Variants in E2F3 observed in about 807,000 individuals in gnomAD.
E2F3 encodes transcription factor E2F3.
E2F3 carries 11 observed loss-of-function variants against 44.4 expected under a neutral mutation model. The ratio of observed to expected loss-of-function variants is 0.25; its 90% confidence interval spans 0.16 to 0.41. The LOEUF (loss-of-function observed/expected upper bound fraction) is 0.41. E2F3 is among the 10% of genes least tolerant of loss of function. The pLI, the probability that E2F3 is intolerant of heterozygous loss-of-function variation, is 1.00. For synonymous variants in E2F3, 249 were observed against 253.0 expected (o/e 0.98, Z 0.15); for missense variants, 487 against 583.6 (o/e 0.83, Z 1.70).
At chr6:20,459,068 C>G (rs908728912) in intron 1 of E2F3, among the ~76,000 whole-genome samples, 3 of 152,128 alleles carry the variant, frequency 2.0e-5, no homozygotes, top group Non-Finnish European at 2.9e-5. Flanking sequence ...TCACCTGAGA[C>G]CAGTCTGGCC....
chr6:20,476,625 C>T (rs773858745), intron 1 of E2F3, among the ~76,000 whole-genome samples: 11 of 152,178 alleles, frequency 7.2e-5, no homozygotes, highest in Non-Finnish European at 1.3e-4. Flanking sequence ...GTTCCAGAAA[C>T]ATTCCTGGGG....
intron 1 of E2F3, among the ~76,000 whole-genome samples, chr6:20,432,135 G>A (rs538906490): frequency 1.4e-4 from 21 of 152,388 alleles, no homozygotes; most frequent in African/African-American, 5.0e-4. Context: ...GGGGACGTGG[G>A]GGTGGGCGTT....
intron 1 of E2F3, among the ~76,000 whole-genome samples, chr6:20,413,752 C>T (rs977059529): frequency 3.3e-5 from 5 of 151,912 alleles, no homozygotes; most frequent in Non-Finnish European, 7.4e-5. Flanking sequence ...GTGGACAGAG[C>T]GAGAAATGTG....
chr6:20,414,828 G>A (rs141847984), intron 1 of E2F3, among the ~76,000 whole-genome samples: 378 of 152,302 alleles, frequency 2.5e-3, no homozygotes, highest in Non-Finnish European at 3.6e-3. Context: ...CAGTAGTGTG[G>A]TATGGAAGGC....
chr6:20,432,865 G>A (rs1760454250), intron 1 of E2F3, among the ~76,000 whole-genome samples: 1 of 152,160 alleles, frequency 6.6e-6, no homozygotes, highest in African/African-American at 2.4e-5. Flanking sequence ...CCTGCCTCAG[G>A]GCCTTTGCAC....
At chr6:20,434,704 A>C (rs1760516771) in intron 1 of E2F3, among the ~76,000 whole-genome samples, 1 of 152,202 alleles carries the variant, frequency 6.6e-6, no homozygotes, top group African/African-American at 2.4e-5. Context: ...TTAGGACCAG[A>C]AGGGGTCCAG....
Position 20,490,242 on chromosome 6 carries a change from G to T in E2F3, c.1210G>T (p.Ala404Ser), listed in dbSNP as rs139489495. Reference protein sequence around the residue: ...MGNLSPLASPANLLQQTEDQI... With the variant: ...MGNLSPLASPSNLLQQTEDQI... The stretch of plus-strand genomic sequence containing the variant: ...AAACCTTTCTCCTCTGGCCTCCCCA[G>T]CCAACCTCTTACAGCAGACTGAGGA... The change falls in exon 7 of 7, where the codon GCC becomes TCC. Residue 404 changes from alanine (A) to serine (S), a missense_variant. Around this residue, in one of 3 missense-constraint regions of E2F3, gnomAD observed 220 missense variants for 261.7 expected, o/e 0.84. Coordinates refer to ENST00000346618, the MANE Select transcript of E2F3 (RefSeq NM_001949.5). The surrounding 1 kb of genome is among the most constrained non-coding windows in gnomAD (Gnocchi z 4.3). 9.3e-6 allele frequency: 15 copies of T among 1,614,082 alleles called. No individual in the cohort carries two copies. The African/African-American group carries it at 1.9e-4, about 20-fold the overall frequency.
chr6:20,407,401 A>AT (rs1241523906), intron 1 of E2F3, among the ~76,000 whole-genome samples: 2 of 152,140 alleles, frequency 1.3e-5, no homozygotes, highest in African/African-American at 2.4e-5. Flanking sequence ...ACAGGAAAGG[A>AT]TTTTTTGTTT....
Position 20,491,777 on chromosome 6 carries a change from T to C in E2F3, c.*1347T>C, listed in dbSNP as rs189929537. ...GCCAGACCCCGTTCCCCTTCCTCTA[T>C]GAAGGAATAAGTTGGACCAAGGGAA... On this transcript the variant is annotated 3_prime_UTR_variant, in exon 7 of 7. Coordinates refer to ENST00000346618, the MANE Select transcript of E2F3 (RefSeq NM_001949.5). 25 of 180,514 alleles carry C rather than the reference T, an allele frequency of 1.4e-4. No individual in the cohort carries two copies. In the East Asian group the frequency reaches 2.2e-3, roughly 16 times the overall value. 11.2% of individuals were successfully genotyped at this position (180,514 alleles called of 1,614,324 possible).
At chr6:20,456,757 T>C (rs906614347) in intron 1 of E2F3, among the ~76,000 whole-genome samples, 1 of 152,228 alleles carries the variant, frequency 6.6e-6, no homozygotes, top group Non-Finnish European at 1.5e-5. Flanking sequence ...CTTAACTGAT[T>C]GTAGAGATTA....
At position 20,454,785 on chromosome 6, in the gene E2F3, A is replaced by G. The variant is rs560676025; in HGVS notation, c.394-25061A>G. Among the ~76,000 whole-genome samples the G allele has an allele frequency of 2.0e-5, 3 of 152,302 alleles. No homozygotes were observed. The South Asian group carries it at 6.2e-4, about 32-fold the overall frequency. ...TTCTGATGACTGTTAGCCACGCCAT[A>G]ATGGTGCTTGTATTTGGCAGGTTAA... On this transcript the variant is annotated intron_variant, in intron 1 of 6. Transcript: ENST00000346618.
intron 1 of E2F3, among the ~76,000 whole-genome samples, chr6:20,450,718 G>C (rs1761101801): frequency 6.6e-6 from 1 of 152,106 alleles, no homozygotes; most frequent in East Asian, 1.9e-4. Flanking sequence ...TTTTCAGAAT[G>C]GTATTGCCTT....
chr6:20,443,416 T>C (rs1760837921), intron 1 of E2F3, among the ~76,000 whole-genome samples: 1 of 152,210 alleles, frequency 6.6e-6, no homozygotes, highest in Non-Finnish European at 1.5e-5. Flanking sequence ...TCAGCCTATG[T>C]GAATTCTGGT....
At chr6:20,467,919 G>A (rs1474598158) in intron 1 of E2F3, among the ~76,000 whole-genome samples, 1 of 151,872 alleles carries the variant, frequency 6.6e-6, no homozygotes, top group Non-Finnish European at 1.5e-5. Context: ...GTGACCACAT[G>A]GGCACCCAGG....
intron 1 of E2F3, among the ~76,000 whole-genome samples, chr6:20,435,239 A>G (rs1455346906): frequency 1.3e-5 from 2 of 152,104 alleles, no homozygotes; most frequent in African/African-American, 4.8e-5. Context: ...CAGCCTCCCA[A>G]AGTGCTGGGA....
chr6:20,457,353 T>TTC lies in E2F3; in HGVS notation c.394-22492_394-22491insCT, dbSNP rs1554138875. Among the ~76,000 whole-genome samples, 6 of 145,990 alleles carry TTC rather than the reference T, an allele frequency of 4.1e-5. No individual in the cohort carries two copies. In the South Asian group the frequency reaches 1.3e-3, roughly 33 times the overall value. ...TCATCCCTAGCTTATTTTTTCTTTT[T>TTC]TTTTTTTTTTTTTTTAGTAGAGATG... is the stretch of plus-strand genomic sequence containing the variant. On this transcript the variant is annotated intron_variant, in intron 1 of 6. Coordinates refer to ENST00000346618, the MANE Select transcript of E2F3 (RefSeq NM_001949.5).
intron 1 of E2F3, among the ~76,000 whole-genome samples, chr6:20,467,486 C>G (rs1761752624): frequency 6.6e-6 from 1 of 152,194 alleles, no homozygotes. Flanking sequence ...GAAACAATTC[C>G]TTCACACTAT....
intron 1 of E2F3, among the ~76,000 whole-genome samples, chr6:20,431,996 TC>T (rs1430349777): frequency 1.3e-5 from 2 of 152,232 alleles, no homozygotes; most frequent in Non-Finnish European, 2.9e-5. Flanking sequence ...GGGTGTCTTT[TC>T]CTTCAGATTG....
chr6:20,426,350 A>G (rs915028252), intron 1 of E2F3, among the ~76,000 whole-genome samples: 2 of 152,190 alleles, frequency 1.3e-5, no homozygotes, highest in Non-Finnish European at 2.9e-5. Context: ...TTTGGTCTAC[A>G]TTATCCAATT....
Sources: gnomAD v4.1 joint callset for allele counts (sites outside exome capture counted in the v4.1 genomes callset) on GRCh38, gnomAD v4.1.1 for gene constraint, gnomAD v4.1.1 regional missense constraint, Gnocchi (gnomAD v3.1) non-coding constraint, MANE v1.5 for transcripts, NCBI Gene and HGNC (gene_info 2026-07-23, HGNC 2026-07-21) for gene names.